TENM4: variants seen among roughly 807,000 people sequenced by gnomAD.
The protein encoded by TENM4 is teneurin transmembrane protein 4.
Under a neutral mutation model 243.3 loss-of-function variants are expected in TENM4, and 82 were observed. The observed-to-expected ratio is 0.34, with a 90% CI of 0.28 to 0.40. TENM4 has a LOEUF of 0.40. Among genes scored for constraint, TENM4 ranks in the 10% least tolerant of loss-of-function variants. The pLI is 1.00. For synonymous variants in TENM4, 1,412 were observed against 1,456.3 expected, an observed-to-expected ratio of 0.97 and a Z score of 0.69; for missense variants, 3,138 against 3,673.3, an observed-to-expected ratio of 0.85 and a Z score of 3.77.
intron 1 of TENM4, among the ~76,000 whole-genome samples, chr11:79,299,626 C>T (rs1256334969): frequency 1.6e-4 from 24 of 152,140 alleles, no homozygotes; most frequent in Admixed American, 6.5e-5. Context: ...ATGAACTGAA[C>T]GTGATTCTTT....
At chr11:78,686,488 CAGAT>C (rs1220398486) in intron 29 of TENM4, among the ~76,000 whole-genome samples, 3 of 146,082 alleles carry the variant, frequency 2.1e-5, no homozygotes, top group Non-Finnish European at 4.5e-5. Context: ...AGAAGCCAGT[CAGAT>C]AGAAGTTCCA....
chr11:78,797,047 T>A (rs1053998975), intron 15 of TENM4, among the ~76,000 whole-genome samples: 2 of 152,234 alleles, frequency 1.3e-5, no homozygotes, highest in African/African-American at 2.4e-5. Context: ...CTAAATGAAG[T>A]GCTATCCAAA....
intron 6 of TENM4, among the ~76,000 whole-genome samples, chr11:79,020,619 G>T (rs539751421): frequency 2.0e-5 from 3 of 150,956 alleles, no homozygotes; most frequent in South Asian, 4.2e-4. Context: ...TTTTTTCCTG[G>T]CATTAAAAAA....
intron 2 of TENM4, among the ~76,000 whole-genome samples, chr11:79,235,983 C>A (rs1350052639): frequency 6.6e-6 from 1 of 152,006 alleles, no homozygotes. Context: ...AGGAGAAAGC[C>A]GCTGCTGCCC....
intron 6 of TENM4, among the ~76,000 whole-genome samples, chr11:78,987,139 C>T (rs932403371): frequency 1.5e-4 from 23 of 152,144 alleles, no homozygotes; most frequent in African/African-American, 5.6e-4. Flanking sequence ...AGTTTTCCAG[C>T]TGGGTACTTT....
Position 79,276,023 on chromosome 11 carries a change from C to T in TENM4, c.-265+21465G>A, listed in dbSNP as rs367838425. Among the ~76,000 whole-genome samples, 14 of 152,308 alleles carry T rather than the reference C, an allele frequency of 9.2e-5. 1 individual carries two copies. The highest frequency in any genetic ancestry group is 7.7e-4 in the East Asian group (4 of 5,182). ...ATATCTTCATTATGCCGCCTAAAAACGAGCAGATAAATAGACTGTAAAGCT... is the reference window on the plus strand; with the variant it reads ...ATATCTTCATTATGCCGCCTAAAAATGAGCAGATAAATAGACTGTAAAGCT... On this transcript the variant is annotated intron_variant, in intron 2 of 33. Transcript: ENST00000278550.
At position 79,346,112 on chromosome 11, in the gene TENM4, CT is replaced by C. The variant is rs1464857079; in HGVS notation, c.-320-48570del. ...GAAGAGGAGACATTCCCAAATAAAA[CT>C]CCGAAGTCCATTCTAGCTCATTCCA... On this transcript the variant is annotated intron_variant, in intron 1 of 33. Transcript: ENST00000278550. Among the ~76,000 whole-genome samples, 3 of 152,184 alleles carry C rather than the reference CT, an allele frequency of 2.0e-5. No homozygotes were observed. The East Asian group carries it at 5.8e-4, about 29-fold the overall frequency.
At chr11:79,201,098 T>C (rs1191689453) in intron 3 of TENM4, among the ~76,000 whole-genome samples, 3 of 152,218 alleles carry the variant, frequency 2.0e-5, no homozygotes, top group African/African-American at 4.8e-5. Flanking sequence ...ACATTAGTAA[T>C]TCCAGAAGTA....
intron 1 of TENM4, among the ~76,000 whole-genome samples, chr11:79,387,887 C>T (rs915631150): frequency 6.6e-5 from 10 of 152,136 alleles, no homozygotes; most frequent in African/African-American, 2.2e-4. Context: ...TGCTTGTGGT[C>T]CCAGCTCCTT....
At chr11:78,757,177 T>C (rs1590998713) in intron 18 of TENM4, among the ~76,000 whole-genome samples, 156 bp from the exon 19 acceptor site, 1 of 152,370 alleles carries the variant, frequency 6.6e-6, no homozygotes, top group Non-Finnish European at 1.5e-5. Flanking sequence ...ACCAAACAGA[T>C]GCAAGTGACT....
chr11:79,005,478 A>G (rs928458035), intron 6 of TENM4, among the ~76,000 whole-genome samples: 1 of 152,246 alleles, frequency 6.6e-6, no homozygotes, highest in African/African-American at 2.4e-5. Context: ...GATTCATCAC[A>G]TAAACAAAAC....
At chr11:79,035,489 A>C (rs902387045) in intron 6 of TENM4, among the ~76,000 whole-genome samples, 1 of 151,806 alleles carries the variant, frequency 6.6e-6, no homozygotes, top group Non-Finnish European at 1.5e-5. Context: ...TATTTTTCTC[A>C]TCACACAAGG....
chr11:79,163,585 C>G (rs2135092075), intron 3 of TENM4, among the ~76,000 whole-genome samples: 1 of 152,018 alleles, frequency 6.6e-6, no homozygotes, highest in East Asian at 1.9e-4. Flanking sequence ...TTGTACCATT[C>G]TTATGCCTTT....
intron 2 of TENM4, among the ~76,000 whole-genome samples, chr11:79,276,525 C>T (rs766287634): frequency 3.9e-5 from 6 of 152,208 alleles, no homozygotes; most frequent in African/African-American, 7.2e-5. Flanking sequence ...GCTAGGGATA[C>T]ATCCGGCATG....
intron 6 of TENM4, among the ~76,000 whole-genome samples, chr11:78,927,763 A>G (rs2136409683): frequency 6.6e-6 from 1 of 152,272 alleles, no homozygotes; most frequent in South Asian, 2.1e-4. Context: ...GTCAGGAACC[A>G]TGTCAAAACA....
chr11:78,669,784 G>A lies in TENM4; in HGVS notation c.6561C>T (p.Ala2187=), dbSNP rs749988520. The change falls in exon 32 of 34, where the codon GCC becomes GCT. Residue 2187 remains alanine, a synonymous_variant. Coordinates refer to ENST00000278550, the MANE Select transcript of TENM4 (RefSeq NM_001098816.3). The surrounding 1 kb of genome is among the most constrained non-coding windows in gnomAD (Gnocchi z 6.4). ...VKKELKVGPY[A]NTTRYSYEYD... is the part of the protein sequence containing the mutation. ...ACTCATAGGAGTAGCGAGTGGTATT[G>A]GCGTAGGGTCCTACCTTCAGCTCCT... 58 of 1,613,802 alleles carry A rather than the reference G, an allele frequency of 3.6e-5. No individual in the cohort carries two copies. The South Asian group carries it at 6.4e-4, about 18-fold the overall frequency.
intron 6 of TENM4, among the ~76,000 whole-genome samples, chr11:79,026,422 G>A (rs1419682866): frequency 6.6e-6 from 1 of 152,072 alleles, no homozygotes; most frequent in Non-Finnish European, 1.5e-5. Flanking sequence ...GTGGAAGGAA[G>A]GCTTAACAAG....
intron 1 of TENM4, among the ~76,000 whole-genome samples, chr11:79,412,139 C>T (rs1858714109): frequency 6.6e-6 from 1 of 152,152 alleles, no homozygotes; most frequent in East Asian, 1.9e-4. Context: ...TCCCGAACAC[C>T]CCAAGAGGAC....
rs1182373290 is a variant in TENM4 at position 79,364,760 on chromosome 11, C to A, written c.-320-67217G>T. 2.6e-5 allele frequency among the ~76,000 whole-genome samples: 4 copies of A among 152,174 alleles called. No individual in the cohort carries two copies. The South Asian group carries it at 6.2e-4, about 24-fold the overall frequency. On this transcript the variant is annotated intron_variant, in intron 1 of 33. Coordinates refer to ENST00000278550, the MANE Select transcript of TENM4 (RefSeq NM_001098816.3). ...TGTAAATGCCACAGTGACAGTTTAACCCCAGCCCAGTCTAACACTCATGCC... is the reference window on the plus strand; with the variant it reads ...TGTAAATGCCACAGTGACAGTTTAAACCCAGCCCAGTCTAACACTCATGCC...
Sources: gnomAD v4.1 joint callset for allele counts (sites outside exome capture counted in the v4.1 genomes callset) on GRCh38, gnomAD v4.1.1 for gene constraint, Gnocchi (gnomAD v3.1) non-coding constraint, MANE v1.5 for transcripts, NCBI Gene and HGNC (gene_info 2026-07-23, HGNC 2026-07-21) for gene names.